The following PIGL variants were observed in gnomAD, a reference collection of about 807,000 sequenced individuals.
The protein encoded by PIGL is N-acetylglucosaminyl-phosphatidylinositol de-N-acetylase.
Under a neutral mutation model 31.1 loss-of-function variants are expected in PIGL, and 22 were observed. The ratio of observed to expected loss-of-function variants is 0.71; its 90% CI spans 0.51 to 1.01. The LOEUF (loss-of-function observed/expected upper bound fraction) is 1.01. Among genes scored for constraint, PIGL ranks in the 50% least tolerant of loss-of-function variants. PIGL has a pLI of 0.00. For missense variants in PIGL, 302 were observed against 315.9 expected (o/e 0.96, Z 0.33); for synonymous variants, 131 against 117.4 (o/e 1.12, Z -0.75).
chr17:16,252,003 A>T (rs574229428), intron 2 of PIGL, among the ~76,000 whole-genome samples: 1 of 151,090 alleles, frequency 6.6e-6, no homozygotes, highest in African/African-American at 2.4e-5. Context: ...CTATAGAATT[A>T]TTTTATTTAT....
At position 16,248,412 on chromosome 17, in the gene PIGL, A is replaced by G. The variant is rs541812345; in HGVS notation, c.335+14342A>G. 5.9e-4 allele frequency among the ~76,000 whole-genome samples: 90 copies of G among 152,318 alleles called. 1 individual carries two copies. The highest frequency in any genetic ancestry group is 2.1e-3 in the African/African-American group (87 of 41,568). On this transcript the variant is annotated intron_variant, in intron 2 of 6. Coordinates refer to ENST00000225609, the MANE Select transcript of PIGL (RefSeq NM_004278.4). ...GAAGTTCTATCTTCCACAAAACACT[A>G]GAACACAATACAGGCAGGTTCTTTG...
chr17:16,308,873 TG>T (rs1325616192), intron 3 of PIGL, among the ~76,000 whole-genome samples: 1 of 150,462 alleles, frequency 6.6e-6, no homozygotes. Context: ...ACTGTAACCT[TG>T]GACCCCTGGA....
At chr17:16,261,118 C>CAAAAAAA (rs34019457) in intron 2 of PIGL, among the ~76,000 whole-genome samples, 1 of 118,930 alleles carries the variant, frequency 8.4e-6, no homozygotes. Context: ...GACTCTATCT[C>CAAAAAAA]AAAAAAAAAA....
At chr17:16,280,810 A>G (rs1267393605) in intron 2 of PIGL, among the ~76,000 whole-genome samples, 1 of 152,136 alleles carries the variant, frequency 6.6e-6, no homozygotes, top group Non-Finnish European at 1.5e-5. Context: ...GGTTCAACCA[A>G]TTCTCTGCCT....
At chr17:16,281,285 T>C (rs1307419031) in intron 2 of PIGL, among the ~76,000 whole-genome samples, 1 of 152,216 alleles carries the variant, frequency 6.6e-6, no homozygotes, top group Non-Finnish European at 1.5e-5. Context: ...TTTTGCAAGC[T>C]AAATTTTGAC....
chr17:16,237,431 A>T (rs935251788), intron 2 of PIGL, among the ~76,000 whole-genome samples: 3 of 151,700 alleles, frequency 2.0e-5, no homozygotes, highest in Non-Finnish European at 2.9e-5. Flanking sequence ...AAAGGAAAAA[A>T]ATCAGAAATA....
At chr17:16,217,635 TGGG>T in intron 1 of PIGL, 174 bp downstream of exon 1, 10 of 530,074 alleles carry the variant, frequency 1.9e-5, no homozygotes, top group South Asian at 9.1e-5. Context: ...GCTTACCTGG[TGGG>T]TTGGGGGACG....
intron 2 of PIGL, among the ~76,000 whole-genome samples, chr17:16,267,359 G>A (rs191899215): frequency 1.6e-3 from 238 of 152,140 alleles, no homozygotes; most frequent in Admixed American, 3.9e-3. Flanking sequence ...AGAGGTGGAG[G>A]AAGTGGATGG....
chr17:16,245,737 C>T (rs1214308443), intron 2 of PIGL, among the ~76,000 whole-genome samples: 1 of 151,162 alleles, frequency 6.6e-6, no homozygotes, highest in African/African-American at 2.4e-5. Flanking sequence ...TATACACACA[C>T]ACATATATAT....
intron 2 of PIGL, among the ~76,000 whole-genome samples, chr17:16,240,504 G>GT (rs1283674033): frequency 4.6e-5 from 7 of 151,734 alleles, no homozygotes; most frequent in Admixed American, 2.0e-4. Context: ...GTTTTCTTTT[G>GT]TTTTTTTCAT....
intron 2 of PIGL, among the ~76,000 whole-genome samples, chr17:16,296,974 C>T (rs1568830532): frequency 6.6e-6 from 1 of 152,134 alleles, no homozygotes; most frequent in Non-Finnish European, 1.5e-5. Context: ...CCCGCCTCGG[C>T]CTCCCAAAGT....
At chr17:16,311,757 A>G (rs1268781649) in intron 3 of PIGL, among the ~76,000 whole-genome samples, 1 of 151,798 alleles carries the variant, frequency 6.6e-6, no homozygotes, top group Non-Finnish European at 1.5e-5. Flanking sequence ...CACATGTTTC[A>G]GAGAGCACAG....
intron 2 of PIGL, among the ~76,000 whole-genome samples, chr17:16,235,024 A>G (rs1266282772): frequency 6.6e-6 from 1 of 152,106 alleles, no homozygotes; most frequent in Non-Finnish European, 1.5e-5. Flanking sequence ...CCTATCCCTA[A>G]CTTAACATCT....
chr17:16,224,302 G>A (rs2092642116), intron 1 of PIGL, among the ~76,000 whole-genome samples: 1 of 151,964 alleles, frequency 6.6e-6, no homozygotes, highest in Non-Finnish European at 1.5e-5. Context: ...TTCAGGGTAT[G>A]TTTGCTGTTT....
chr17:16,257,416 T>TA (rs35030168), intron 2 of PIGL, among the ~76,000 whole-genome samples: 75,983 of 150,198 alleles, frequency 0.51, 19,471 homozygotes, highest in Middle Eastern at 0.57. Context: ...AAACTCCATC[T>TA]AAAAAAAAAG....
At chr17:16,221,622 G>A (rs1278921192) in intron 1 of PIGL, among the ~76,000 whole-genome samples, 1 of 150,886 alleles carries the variant, frequency 6.6e-6, no homozygotes, top group Non-Finnish European at 1.5e-5. Context: ...GCTAATTTTT[G>A]TTTTTGTTTT....
At chr17:16,275,958 A>G (rs548186622) in intron 2 of PIGL, among the ~76,000 whole-genome samples, 1 of 152,226 alleles carries the variant, frequency 6.6e-6, no homozygotes, top group Non-Finnish European at 1.5e-5. Flanking sequence ...CAGGAGGTGG[A>G]GTTTGCAGTG....
intron 2 of PIGL, among the ~76,000 whole-genome samples, chr17:16,267,576 C>T (rs994078891): frequency 2.9e-4 from 44 of 152,034 alleles, no homozygotes; most frequent in African/African-American, 7.2e-4. Flanking sequence ...TAGTAGCACA[C>T]GCCTATAGTT....
At chr17:16,268,987 C>T (rs977358892) in intron 2 of PIGL, among the ~76,000 whole-genome samples, 5 of 152,170 alleles carry the variant, frequency 3.3e-5, no homozygotes, top group African/African-American at 7.2e-5. Flanking sequence ...TGGTCTTGAT[C>T]TCCTGACCTA....
Sources: gnomAD v4.1 joint callset for allele counts (sites outside exome capture counted in the v4.1 genomes callset) on GRCh38, gnomAD v4.1.1 for gene constraint, MANE v1.5 for transcripts, NCBI Gene and HGNC (gene_info 2026-07-23, HGNC 2026-07-21) for gene names.